The following USH2A variants were observed in gnomAD, a reference collection of about 807,000 sequenced individuals.
The protein encoded by USH2A is usherin.
In USH2A, 443 loss-of-function variants were observed where a neutral mutation model predicts 538.9. The observed-to-expected ratio is 0.82, with a 90% CI of 0.76 to 0.89. USH2A has a LOEUF of 0.89. Among genes scored for constraint, USH2A ranks in the 40% least tolerant of loss-of-function variants. The pLI, the probability that USH2A is intolerant of heterozygous loss-of-function variation, is 0.00. For missense variants in USH2A, 6,633 were observed against 6,324.8 expected (o/e 1.05, Z -1.65); for synonymous variants, 2,413 against 2,273.5 (o/e 1.06, Z -1.75).
In USH2A at chr1:215,824,987, T is replaced by C. The variant is rs1282809932; in HGVS notation, c.9372-7792A>G. On this transcript the variant is annotated intron_variant, in intron 47 of 71. Coordinates refer to ENST00000307340, the MANE Select transcript of USH2A (RefSeq NM_206933.4). Reference sequence around the variant, plus strand: ...GATATTGCTGTGATAATCTCAGTTCTGTACATTTGTTTCTGTTTTCTGTGG... The same window carrying C: ...GATATTGCTGTGATAATCTCAGTTCCGTACATTTGTTTCTGTTTTCTGTGG... Among the ~76,000 whole-genome samples, 7 of 152,282 alleles carry C rather than the reference T, an allele frequency of 4.6e-5. No homozygotes were observed. The East Asian group carries it at 1.4e-3, about 29-fold the overall frequency.
At chr1:215,763,889 A>G (rs990988372) in intron 56 of USH2A, among the ~76,000 whole-genome samples, 2 of 152,072 alleles carry the variant, frequency 1.3e-5, no homozygotes, top group African/African-American at 4.8e-5. Context: ...TAAGATTTAA[A>G]ACTAATTAGA....
chr1:216,249,876 G>T (rs940939267), intron 12 of USH2A, among the ~76,000 whole-genome samples: 2 of 152,040 alleles, frequency 1.3e-5, no homozygotes, highest in African/African-American at 4.8e-5. Flanking sequence ...GTGTGTGTGT[G>T]TGAGAGAGAG....
chr1:215,654,174 T>TA (rs1192700299), intron 64 of USH2A, among the ~76,000 whole-genome samples: 4 of 152,162 alleles, frequency 2.6e-5, no homozygotes, highest in Non-Finnish European at 4.4e-5. Flanking sequence ...CATATATATA[T>TA]TTTTTTATTA....
chr1:216,399,660 A>G (rs2039274391), intron 3 of USH2A, among the ~76,000 whole-genome samples: 1 of 152,124 alleles, frequency 6.6e-6, no homozygotes, highest in Non-Finnish European at 1.5e-5. Context: ...ACCCTGCAGC[A>G]ACAAAGTAGT....
chr1:215,861,943 G>A (rs775643284), intron 44 of USH2A, among the ~76,000 whole-genome samples: 35 of 146,996 alleles, frequency 2.4e-4, no homozygotes, highest in Non-Finnish European at 3.9e-4. Context: ...GGGTACAAGC[G>A]AGTCTCCTGC....
chr1:216,240,570 C>A, intron 13 of USH2A, among the ~76,000 whole-genome samples: 1 of 150,764 alleles, frequency 6.6e-6, no homozygotes, highest in South Asian at 2.1e-4. Context: ...ATTAACATTG[C>A]TAACAGCTAA....
At chr1:215,835,447 C>T (rs1011814841) in intron 47 of USH2A, among the ~76,000 whole-genome samples, 2 of 152,114 alleles carry the variant, frequency 1.3e-5, no homozygotes, top group African/African-American at 4.8e-5. Context: ...GTTGTAGTCT[C>T]ACTTTATCAC....
chr1:216,128,922 C>T (rs1056906887), intron 21 of USH2A, among the ~76,000 whole-genome samples: 7 of 152,058 alleles, frequency 4.6e-5, no homozygotes, highest in African/African-American at 1.7e-4. Context: ...TTTCCTTCCC[C>T]AGGCTCTGAT....
intron 30 of USH2A, among the ~76,000 whole-genome samples, chr1:216,053,071 A>G (rs182152838): frequency 1.7e-3 from 253 of 152,332 alleles, no homozygotes; most frequent in Middle Eastern, 3.4e-3. Flanking sequence ...TGATTTTTAC[A>G]AGGTTTCTAA....
At chr1:216,248,032 C>A (rs1314239905) in intron 12 of USH2A, among the ~76,000 whole-genome samples, 2 of 152,028 alleles carry the variant, frequency 1.3e-5, no homozygotes, top group Non-Finnish European at 2.9e-5. Flanking sequence ...TTATCCAGGG[C>A]AATTTTTGGT....
chr1:216,130,154 A>G (rs1558274025), intron 21 of USH2A, among the ~76,000 whole-genome samples: 1 of 151,864 alleles, frequency 6.6e-6, no homozygotes, highest in Non-Finnish European at 1.5e-5. Flanking sequence ...TTGGGCAAAA[A>G]TTTCTTTTAT....
intron 56 of USH2A, 31 bp downstream of exon 56, chr1:215,766,650 T>C: frequency 6.3e-7 from 1 of 1,593,190 alleles, no homozygotes; most frequent in South Asian, 1.1e-5. Context: ...TGAAAATTTC[T>C]TCCCTCAAAC....
intron 21 of USH2A, among the ~76,000 whole-genome samples, chr1:216,139,880 C>A (rs375720593): frequency 6.6e-6 from 1 of 152,120 alleles, no homozygotes; most frequent in East Asian, 1.9e-4. Flanking sequence ...TGACTTGCGA[C>A]CCTTTACAAC....
At position 215,734,414 on chromosome 1, in the gene USH2A, C is replaced by A. The variant is rs189406592; in HGVS notation, c.11712-6030G>T. On this transcript the variant is annotated intron_variant, in intron 60 of 71. Transcript: ENST00000307340. ...GCCTGTAAGATCTCTGAAATGCCTT[C>A]TAGGCCTTTTCCCTATTATCTTGGA... Among the ~76,000 whole-genome samples the A allele has an allele frequency of 4.7e-3, 711 of 152,264 alleles. 2 individuals are homozygous for A. The highest frequency in any genetic ancestry group is 0.016 in the African/African-American group (685 of 41,554).
chr1:215,864,768 G>A (rs1294651399), intron 44 of USH2A, among the ~76,000 whole-genome samples: 1 of 152,054 alleles, frequency 6.6e-6, no homozygotes, highest in African/African-American at 2.4e-5. Context: ...AGTAACACAG[G>A]GACGCTTTTA....
intron 14 of USH2A, among the ~76,000 whole-genome samples, chr1:216,218,263 C>T (rs2035384515): frequency 6.6e-6 from 1 of 152,034 alleles, no homozygotes; most frequent in South Asian, 2.1e-4. Context: ...CCCAAAGTTG[C>T]TTGTAAAAAT....
chr1:215,927,262 G>C (rs1268253290), intron 38 of USH2A, among the ~76,000 whole-genome samples: 2 of 152,036 alleles, frequency 1.3e-5, no homozygotes, highest in Non-Finnish European at 2.9e-5. Flanking sequence ...TATTACAAAA[G>C]CCTGAAAAAT....
intron 11 of USH2A, among the ~76,000 whole-genome samples, chr1:216,279,864 A>G (rs1272797858): frequency 6.6e-6 from 1 of 152,064 alleles, no homozygotes; most frequent in Non-Finnish European, 1.5e-5. Flanking sequence ...AGGGACTTTC[A>G]CCGGTCTCCC....
intron 56 of USH2A, among the ~76,000 whole-genome samples, chr1:215,761,843 C>T (rs969963650): frequency 9.9e-5 from 15 of 152,102 alleles, no homozygotes; most frequent in African/African-American, 3.1e-4. Flanking sequence ...TGATTAGACA[C>T]TGTAAATCTC....
Sources: gnomAD v4.1 joint callset for allele counts (sites outside exome capture counted in the v4.1 genomes callset) on GRCh38, gnomAD v4.1.1 for gene constraint, MANE v1.5 for transcripts, NCBI Gene and HGNC (gene_info 2026-07-23, HGNC 2026-07-21) for gene names.